Variants in RIPOR3 observed in about 807,000 individuals in gnomAD.
RIPOR3 encodes the protein RIPOR family member 3, also known as family with sequence similarity 65 member C.
Under a neutral mutation model 114.3 loss-of-function variants are expected in RIPOR3, and 95 were observed. That is an observed-to-expected ratio of 0.83 (90% CI 0.70 to 0.99). The LOEUF is 0.99. Ranked by LOEUF, RIPOR3 falls within the 50% of genes least tolerant of loss-of-function variation. RIPOR3 has a pLI of 0.00. For missense variants in RIPOR3, 1,252 were observed against 1,266.9 expected (o/e 0.99, Z 0.18); for synonymous variants, 575 against 543.8 (o/e 1.06, Z -0.80).
intron 5 of RIPOR3, 45 bp downstream of exon 5, chr20:50,611,136 A>G: frequency 6.2e-7 from 1 of 1,614,044 alleles, no homozygotes; most frequent in African/African-American, 1.3e-5. Flanking sequence ...AGTCATTCTC[A>G]TCCAGCCAGG....
Position 50,609,631 on chromosome 20 carries a change from C to G in RIPOR3, c.518G>C (p.Ser173Thr). 7.1e-7 allele frequency: 1 copy of G among 1,403,522 alleles called. No homozygotes were observed. The highest frequency in any genetic ancestry group is 9.2e-7 in the Non-Finnish European group (1 of 1,082,758). The allele number at this position is 1,403,522 out of a possible 1,614,324, so 86.9% of individuals were successfully genotyped here. Residue 173 changes from serine (S) to threonine (T), a missense_variant, in exon 7 of 22, where the codon AGC becomes ACC. By Grantham distance (58) the Ser-to-Thr change is moderately conservative. Coordinates refer to ENST00000327979, the MANE Select transcript of RIPOR3 (RefSeq NM_001290268.2). ...CTGCAGGCTCTCTCGGGCTGCGCGG[C>G]TCGGGGGGCACCGGGCGAAGGCCCG... ...MQRAFARCPP[S>T]RAARESLQEL...
At position 50,630,871 on chromosome 20, in the gene RIPOR3, C is replaced by T. The variant is rs1202091574; in HGVS notation, c.4-15G>A. 2 of 1,573,544 alleles carry T rather than the reference C, an allele frequency of 1.3e-6. No individual in the cohort carries two copies. Among genetic ancestry groups the T allele is most frequent in the Non-Finnish European group, 1.7e-6 (2 of 1,157,740 alleles). On this transcript the variant is annotated splice_polypyrimidine_tract_variant and intron_variant, in intron 1 of 21. Coordinates refer to ENST00000327979, the MANE Select transcript of RIPOR3 (RefSeq NM_001290268.2). ...ATGGTGGTCACCTGCAAGGAGAGGACAGGAGAGTCAGCCTGGCATCACCAT... is the reference window on the plus strand; with the variant it reads ...ATGGTGGTCACCTGCAAGGAGAGGATAGGAGAGTCAGCCTGGCATCACCAT...
intron 19 of RIPOR3, 82 bp downstream of exon 19, chr20:50,592,262 T>C: frequency 1.4e-6 from 2 of 1,412,256 alleles, no homozygotes; most frequent in Non-Finnish European, 1.9e-6. Flanking sequence ...ACTCACTTCT[T>C]TGTACTTTTC....
intron 1 of RIPOR3, among the ~76,000 whole-genome samples, chr20:50,648,616 A>G (rs1238864503): frequency 6.6e-6 from 1 of 152,082 alleles, no homozygotes; most frequent in Non-Finnish European, 1.5e-5. Context: ...TGAAATAATT[A>G]TACAACTCAC....
chr20:50,595,160 G>T, intron 16 of RIPOR3: 1 of 626,272 alleles, frequency 1.6e-6, no homozygotes, highest in Non-Finnish European at 2.8e-6. Flanking sequence ...GAGTCACACA[G>T]CTGACTGAAG....
chr20:50,597,811 T>C, intron 13 of RIPOR3, 101 bp from the exon 14 acceptor site: 1 of 1,479,640 alleles, frequency 6.8e-7, no homozygotes, highest in Non-Finnish European at 9.0e-7. Flanking sequence ...AATGTCCCGG[T>C]CCCAAGCCCC....
Position 50,615,993 on chromosome 20 carries a change from G to A in RIPOR3, c.348+9C>T. The A allele has an allele frequency of 3.7e-6, 6 of 1,603,314 alleles. No homozygotes were observed. The highest frequency in any genetic ancestry group is 5.1e-6 in the Non-Finnish European group (6 of 1,174,960). ...ATCTGGGTGGGAAGCAGGCAGGGAG[G>A]GGTCTCACCAGCCTGGAATTCCTCC... On this transcript the variant is annotated intron_variant, in intron 4 of 21. Transcript: ENST00000327979.
At chr20:50,609,249 G>C in intron 8 of RIPOR3, 44 bp downstream of exon 8, 1 of 1,601,564 alleles carries the variant, frequency 6.2e-7, no homozygotes, top group Non-Finnish European at 8.5e-7. Flanking sequence ...GAAGTCTCAG[G>C]GCCTCCAGAA....
chr20:50,669,707 G>C (rs2086394412), intron 1 of RIPOR3, among the ~76,000 whole-genome samples: 1 of 152,120 alleles, frequency 6.6e-6, no homozygotes, highest in Non-Finnish European at 1.5e-5. Context: ...GCTTTCCTTG[G>C]CCACACTGGT....
intron 1 of RIPOR3, among the ~76,000 whole-genome samples, chr20:50,639,087 C>T (rs957700830): frequency 3.3e-5 from 5 of 152,032 alleles, no homozygotes; most frequent in African/African-American, 7.2e-5. Context: ...ACTAAAAACA[C>T]AGAAATTAGC....
chr20:50,670,208 G>C (rs998793053), intron 1 of RIPOR3, among the ~76,000 whole-genome samples: 14 of 151,204 alleles, frequency 9.3e-5, no homozygotes, highest in Middle Eastern at 3.4e-3. Flanking sequence ...CCAAGGTAGA[G>C]CCAAGTCAAC....
Position 50,597,603 on chromosome 20 carries a change from CAG to C in RIPOR3, c.1765_1766del (p.Leu589ValfsTer55), listed in dbSNP as rs1165913671. 3 of 1,609,472 alleles carry C rather than the reference CAG, an allele frequency of 1.9e-6. No homozygotes were observed. The highest frequency in any genetic ancestry group is 1.7e-6 in the Non-Finnish European group (2 of 1,177,966). On this transcript the variant is annotated frameshift_variant, in exon 14 of 22. Transcript: ENST00000327979. LOFTEE classifies it high-confidence loss of function. ...ACCGGAGACCCTGGGAGCCCCCAAACAGGGACAGCTCATCCAGGGCGAAGTCG... is the reference window on the plus strand; with the variant it reads ...ACCGGAGACCCTGGGAGCCCCCAAACGGACAGCTCATCCAGGGCGAAGTCG... ...NADFALDELSLFGGSQGLRKD... is the reference protein window; with the variant it reads ...NADFALDELSXFGGSQGLRKD...
chr20:50,681,104 G>T (rs1275329694), intron 1 of RIPOR3, among the ~76,000 whole-genome samples: 1 of 151,380 alleles, frequency 6.6e-6, no homozygotes, highest in Non-Finnish European at 1.5e-5. Flanking sequence ...CATGCCTGTA[G>T]TCCCAGCTAC....
At chr20:50,641,919 C>A (rs6096039) in intron 1 of RIPOR3, among the ~76,000 whole-genome samples, 3 of 151,818 alleles carry the variant, frequency 2.0e-5, no homozygotes, top group African/African-American at 7.3e-5. Context: ...CTGTTCAGCC[C>A]CTACTCCTAG....
chr20:50,619,890 G>T, intron 3 of RIPOR3, 96 bp downstream of exon 3: 1 of 1,466,678 alleles, frequency 6.8e-7, no homozygotes, highest in Non-Finnish European at 9.3e-7. Context: ...GTCACCTCTT[G>T]TAGACAAGAC....
At chr20:50,665,094 C>G (rs1411176671) in intron 1 of RIPOR3, among the ~76,000 whole-genome samples, 1 of 151,476 alleles carries the variant, frequency 6.6e-6, no homozygotes, top group East Asian at 2.0e-4. Flanking sequence ...AGAGCGAGAC[C>G]CTGTCTCAAA....
intron 13 of RIPOR3, among the ~76,000 whole-genome samples, chr20:50,599,030 C>T (rs750455903): frequency 2.6e-5 from 4 of 152,070 alleles, no homozygotes; most frequent in Non-Finnish European, 5.9e-5. Flanking sequence ...CCTCTGGTCA[C>T]AGCAGTTTTA....
chr20:50,686,041 G>A (rs1400561183), intron 1 of RIPOR3, among the ~76,000 whole-genome samples: 1 of 152,052 alleles, frequency 6.6e-6, no homozygotes, highest in Non-Finnish European at 1.5e-5. Flanking sequence ...TGGCCTGAAA[G>A]CATAGACGCC....
chr20:50,588,538 CAA>C (rs2082996933), intron 20 of RIPOR3, among the ~76,000 whole-genome samples: 1 of 152,088 alleles, frequency 6.6e-6, no homozygotes, highest in African/African-American at 2.4e-5. Flanking sequence ...TCAAGAGTCT[CAA>C]AAATGCTCAT....
Sources: gnomAD v4.1 joint callset for allele counts (sites outside exome capture counted in the v4.1 genomes callset) on GRCh38, gnomAD v4.1.1 for gene constraint, MANE v1.5 for transcripts, NCBI Gene and HGNC (gene_info 2026-07-23, HGNC 2026-07-21) for gene names.